The following NAA16 variants were observed in gnomAD, a reference collection of about 807,000 sequenced individuals.
NAA16 encodes the protein NARG1-like protein.
In NAA16, 97 loss-of-function variants were observed where a neutral mutation model predicts 110.3. The ratio of observed to expected loss-of-function variants is 0.88; its 90% CI spans 0.75 to 1.04. The LOEUF (loss-of-function observed/expected upper bound fraction) is 1.04. NAA16 is among the 50% of genes least tolerant of loss of function. NAA16 has a pLI of 0.00. For missense variants in NAA16, 1,017 were observed against 1,005.1 expected, an observed-to-expected ratio of 1.01 and a Z score of -0.16; for synonymous variants, 372 against 330.6, an observed-to-expected ratio of 1.13 and a Z score of -1.36.
chr13:41,327,482 G>C (rs571387525), intron 6 of NAA16, among the ~76,000 whole-genome samples: 2 of 150,962 alleles, frequency 1.3e-5, no homozygotes, highest in African/African-American at 4.9e-5. Flanking sequence ...AATAGGGAAT[G>C]CAGTTAGGTT....
chr13:41,375,480 A>G lies in NAA16; in HGVS notation c.2473A>G (p.Met825Val), dbSNP rs754819582. 2 of 1,614,010 alleles carry G rather than the reference A, an allele frequency of 1.2e-6. No homozygotes were observed. The highest frequency in any genetic ancestry group is 1.7e-6 in the Non-Finnish European group (2 of 1,179,904). ...NCSSQYEEYR[M>V]ACHNLLPFTS... ...TAGTTCCCAATATGAAGAATATAGG[A>G]TGGCCTGTCATAACCTGCTTCCTTT... The change falls in exon 20 of 20, where the codon ATG becomes GTG. Residue 825 changes from methionine (M) to valine (V), a missense_variant. Met to Val is a conservative substitution (Grantham distance 21). Transcript: ENST00000379406.
chr13:41,325,252 G>C (rs1331025284), intron 5 of NAA16, among the ~76,000 whole-genome samples: 3 of 148,444 alleles, frequency 2.0e-5, no homozygotes, highest in Non-Finnish European at 4.4e-5. Flanking sequence ...ACCGTGCCTG[G>C]CCAACGGAAC....
At chr13:41,360,835 C>G (rs981169187) in intron 12 of NAA16, among the ~76,000 whole-genome samples, 4 of 152,244 alleles carry the variant, frequency 2.6e-5, no homozygotes, top group Non-Finnish European at 4.4e-5. Context: ...TTGGATAGTT[C>G]TAGTTGATAA....
chr13:41,311,276 G>A lies in NAA16; in HGVS notation c.-253G>A, dbSNP rs1456697734. 1 of 552,058 alleles carries A rather than the reference G, an allele frequency of 1.8e-6. No individual in the cohort carries two copies. Among genetic ancestry groups the A allele is most frequent in the South Asian group, 2.3e-5 (1 of 44,216 alleles). The allele number at this position is 552,058 out of a possible 1,614,324, so 34.2% of individuals were successfully genotyped here. Reference sequence around the variant, plus strand: ...CCCTGGCTGCCATCTTGCAGTGCGCGGGAACCGCCGCCGCCGCCGCTGGCC... The same window carrying A: ...CCCTGGCTGCCATCTTGCAGTGCGCAGGAACCGCCGCCGCCGCCGCTGGCC... On this transcript the variant is annotated 5_prime_UTR_variant, in exon 1 of 20. Transcript: ENST00000379406.
At chr13:41,355,694 C>T (rs1300355345) in intron 10 of NAA16, among the ~76,000 whole-genome samples, 1 of 152,210 alleles carries the variant, frequency 6.6e-6, no homozygotes, top group Non-Finnish European at 1.5e-5. Flanking sequence ...TCCCAAAGTG[C>T]TGGGATTACA....
intron 2 of NAA16, 33 bp from the exon 3 acceptor site, chr13:41,318,773 A>T: frequency 1.6e-6 from 2 of 1,236,596 alleles, no homozygotes; most frequent in African/African-American, 1.5e-5. Context: ...ATTTTGTGTC[A>T]TTTGTAAATA....
Position 41,336,773 on chromosome 13 carries a change from A to G in NAA16, c.1014+17A>G. 1 of 1,440,450 alleles carries G rather than the reference A, an allele frequency of 6.9e-7. No individual in the cohort carries two copies. Among genetic ancestry groups the G allele is most frequent in the Non-Finnish European group, 9.7e-7 (1 of 1,035,572 alleles). The allele number at this position is 1,440,450 out of a possible 1,614,324, so 89.2% of individuals were successfully genotyped here. Reference sequence around the variant, plus strand: ...ACAGAAAAGGTAAAATTTGGTATTTATTCAGATTTGCTATAGTCTTTTTTA... The same window carrying G: ...ACAGAAAAGGTAAAATTTGGTATTTGTTCAGATTTGCTATAGTCTTTTTTA... On this transcript the variant is annotated intron_variant, in intron 9 of 19. Transcript: ENST00000379406.
intron 9 of NAA16, among the ~76,000 whole-genome samples, chr13:41,338,891 G>A (rs1295171862): frequency 6.6e-6 from 1 of 152,086 alleles, no homozygotes; most frequent in Non-Finnish European, 1.5e-5. Flanking sequence ...ACCCCAGGAA[G>A]CCATTTTAAA....
chr13:41,337,815 A>C (rs2042422030), intron 9 of NAA16, among the ~76,000 whole-genome samples: 1 of 152,184 alleles, frequency 6.6e-6, no homozygotes, highest in African/African-American at 2.4e-5. Context: ...ATTTGCAGTA[A>C]TTGTGAATAA....
chr13:41,336,823 T>G (rs2042394223), intron 9 of NAA16, 67 bp downstream of exon 9: 1 of 876,344 alleles, frequency 1.1e-6, no homozygotes, highest in Non-Finnish European at 1.8e-6. Context: ...GATGTCCATG[T>G]AAATAATGTG....
chr13:41,315,510 C>T (rs983482176), intron 1 of NAA16, among the ~76,000 whole-genome samples: 3 of 152,168 alleles, frequency 2.0e-5, no homozygotes, highest in African/African-American at 7.2e-5. Flanking sequence ...CTAAGCTGAG[C>T]AGCTTATAAA....
In NAA16 at chr13:41,375,513, G is replaced by A. The variant is rs1453978750; in HGVS notation, c.2506G>A (p.Ala836Thr). Residue 836 changes from alanine to threonine, a missense_variant, in exon 20 of 20, where the codon GCC (alanine) becomes ACC (threonine). Coordinates refer to ENST00000379406, the MANE Select transcript of NAA16 (RefSeq NM_024561.5). ...TCATAACCTGCTTCCTTTTACATCT[G>A]CCTTCTTGCCTGCTGTGAATGAAGT... ...ACHNLLPFTS[A>T]FLPAVNEVDN... 2 of 1,614,034 alleles carry A rather than the reference G, an allele frequency of 1.2e-6. No individual in the cohort carries two copies. The highest frequency in any genetic ancestry group is 2.2e-5 in the East Asian group (1 of 44,866).
At chr13:41,337,807 T>G (rs2139433373) in intron 9 of NAA16, among the ~76,000 whole-genome samples, 1 of 152,316 alleles carries the variant, frequency 6.6e-6, no homozygotes, top group African/African-American at 2.4e-5. Context: ...ATTTGTAAAT[T>G]TGCAGTAATT....
rs558699124 is a variant in NAA16 at position 41,376,087 on chromosome 13, C to G, written c.*485C>G. 1.3e-5 allele frequency: 2 copies of G among 152,504 alleles called. No homozygotes were observed. Among genetic ancestry groups the G allele is most frequent in the East Asian group, 1.9e-4 (1 of 5,198 alleles). The allele number at this position is 152,504 out of a possible 1,614,324, so 9.4% of individuals were successfully genotyped here. On this transcript the variant is annotated 3_prime_UTR_variant, in exon 20 of 20. Coordinates refer to ENST00000379406, the MANE Select transcript of NAA16 (RefSeq NM_024561.5). Reference sequence around the variant, plus strand: ...GGCGGATCACCTGAGGTCAGGAGATCGAGATCAGCCTGGCCAACATGGTGA... The same window carrying G: ...GGCGGATCACCTGAGGTCAGGAGATGGAGATCAGCCTGGCCAACATGGTGA...
chr13:41,338,482 T>TA (rs1593457549), intron 9 of NAA16, among the ~76,000 whole-genome samples: 3 of 152,300 alleles, frequency 2.0e-5, no homozygotes, highest in South Asian at 4.1e-4. Flanking sequence ...AACCATCTCT[T>TA]TAGTGTTAAT....
chr13:41,358,718 A>G (rs1253108602), intron 11 of NAA16, 92 bp from the exon 12 acceptor site: 1 of 1,475,928 alleles, frequency 6.8e-7, no homozygotes, highest in Non-Finnish European at 9.0e-7. Flanking sequence ...ATGGTGACAG[A>G]TTTCTTTTTT....
intron 1 of NAA16, 71 bp from the exon 2 acceptor site, chr13:41,316,775 A>G (rs1432705735): frequency 3.1e-6 from 3 of 979,460 alleles, no homozygotes; most frequent in Non-Finnish European, 4.9e-6. Flanking sequence ...TTTAGAATAT[A>G]TGATGCTGTG....
At chr13:41,369,304 T>A in intron 15 of NAA16, 21 bp downstream of exon 15, 1 of 1,507,656 alleles carries the variant, frequency 6.6e-7, no homozygotes, top group Non-Finnish European at 8.8e-7. Flanking sequence ...TTTTACTATC[T>A]TTGTTATTTG....
At chr13:41,330,628 C>T (rs1041951414) in intron 7 of NAA16, among the ~76,000 whole-genome samples, 2 of 151,926 alleles carry the variant, frequency 1.3e-5, no homozygotes, top group African/African-American at 4.8e-5. Context: ...ATTGTTGTTT[C>T]AGAGTAACAT....
Sources: allele counts gnomAD v4.1 joint callset (sites outside exome capture counted in the v4.1 genomes callset), GRCh38; gene constraint gnomAD v4.1.1; transcripts MANE v1.5; gene names NCBI Gene and HGNC (gene_info 2026-07-23, HGNC 2026-07-21).